Variants in RIOK1 observed in about 807,000 individuals in gnomAD.
RIOK1 encodes serine/threonine-protein kinase RIO1.
Under a neutral mutation model 73.5 loss-of-function variants are expected in RIOK1, and 66 were observed. The observed-to-expected ratio is 0.90, with a 90% confidence interval of 0.74 to 1.10. The LOEUF (loss-of-function observed/expected upper bound fraction) is 1.10. Among genes scored for constraint, RIOK1 ranks in the 50% least tolerant of loss-of-function variants. The pLI is 0.00. For missense variants in RIOK1, 658 were observed against 699.8 expected (o/e 0.94, Z 0.67); for synonymous variants, 224 against 226.8 (o/e 0.99, Z 0.11).
At chr6:7,411,708 G>A in intron 14 of RIOK1, 1 of 397,496 alleles carries the variant, frequency 2.5e-6, no homozygotes, top group South Asian at 2.8e-5. Context: ...TAGAAGTCTA[G>A]GCTATTAATG....
Position 7,398,730 on chromosome 6 carries a change from C to T in RIOK1, c.470C>T (p.Thr157Ile). The change falls in exon 5 of 17, where the codon ACT becomes ATT. Residue 157 changes from threonine (T) to isoleucine (I), a missense_variant. Coordinates refer to ENST00000379834, the MANE Select transcript of RIOK1 (RefSeq NM_031480.3). ...ATCAAAGATAAGGCAGACAGAGCAA[C>T]TGTAGAACAGGTACAATTTAAATGT... The part of the protein sequence containing the change: ...YRIKDKADRA[T>I]VEQVLDPRTR... 4 of 1,612,032 alleles carry T rather than the reference C, an allele frequency of 2.5e-6. No homozygotes were observed. Among genetic ancestry groups the T allele is most frequent in the Non-Finnish European group, 3.4e-6 (4 of 1,178,512 alleles).
Position 7,414,421 on chromosome 6 carries a change from T to C in RIOK1, c.1596+31T>C, listed in dbSNP as rs76055622. 8.0e-4 allele frequency: 1,267 copies of C among 1,579,294 alleles called. 9 individuals carry two copies. In the African/African-American group the frequency reaches 0.015, roughly 18 times the overall value. ...CAATGAAATACCTTCCCCTTTTCTT[T>C]AGTGTGGGAGCACAGCCGCTCTTAT... On this transcript the variant is annotated intron_variant, in intron 16 of 16. Transcript: ENST00000379834.
chr6:7,392,911 C>G (rs1761375461), intron 1 of RIOK1, 188 bp from the exon 2 acceptor site: 1 of 984,872 alleles, frequency 1.0e-6, no homozygotes, highest in South Asian at 4.7e-5. Context: ...GAGCAAACAA[C>G]TGCAACAGAA....
intron 10 of RIOK1, 75 bp from the exon 11 acceptor site, chr6:7,404,843 A>G (rs1414503217): frequency 2.4e-6 from 3 of 1,257,604 alleles, no homozygotes; most frequent in Non-Finnish European, 3.4e-6. Context: ...CTTGCTTTTA[A>G]GAGTAGAATT....
chr6:7,407,580 A>G (rs1213777410), intron 12 of RIOK1, among the ~76,000 whole-genome samples: 2 of 151,138 alleles, frequency 1.3e-5, no homozygotes, highest in African/African-American at 4.9e-5. Context: ...AACCTTCTAG[A>G]CTCAAGCAGT....
chr6:7,405,204 AT>A lies in RIOK1; in HGVS notation c.1097-40del, dbSNP rs1761714786. 3 of 1,276,400 alleles carry A rather than the reference AT, an allele frequency of 2.4e-6. No homozygotes were observed. In the East Asian group the frequency reaches 6.9e-5, roughly 29 times the overall value. 79.1% of individuals were successfully genotyped at this position (1,276,400 alleles called of 1,614,324 possible). On this transcript the variant is annotated intron_variant, in intron 11 of 16. Coordinates refer to ENST00000379834, the MANE Select transcript of RIOK1 (RefSeq NM_031480.3). ...TCTATAAGGTAGTTGGAATAATAATATTTTTCCTCATAAAAGCTGTCATTAA... is the reference window on the plus strand; with the variant it reads ...TCTATAAGGTAGTTGGAATAATAATATTTTCCTCATAAAAGCTGTCATTAA...
intron 6 of RIOK1, 66 bp from the exon 7 acceptor site, chr6:7,402,537 C>G: frequency 8.3e-7 from 1 of 1,198,490 alleles, no homozygotes; most frequent in Non-Finnish European, 1.2e-6. Flanking sequence ...AGGTTAGAAT[C>G]AAATAGATTG....
chr6:7,398,055 T>G (rs1761518173), intron 4 of RIOK1, among the ~76,000 whole-genome samples: 2 of 152,146 alleles, frequency 1.3e-5, no homozygotes, highest in Non-Finnish European at 2.9e-5. Flanking sequence ...GGCAGGAGAA[T>G]GGCGTGAACC....
chr6:7,401,738 G>A (rs1386717643), intron 6 of RIOK1, among the ~76,000 whole-genome samples: 2 of 145,230 alleles, frequency 1.4e-5, no homozygotes, highest in Admixed American at 7.0e-5. Flanking sequence ...GAGTGTGGTG[G>A]CATGTTCTCA....
rs1193560994 is a variant in RIOK1 at position 7,400,875 on chromosome 6, C to T, written c.481-83C>T. 3.9e-6 allele frequency: 3 copies of T among 768,092 alleles called. No individual in the cohort carries two copies. The East Asian group carries it at 7.6e-5, about 19-fold the overall frequency. 47.6% of individuals were successfully genotyped at this position (768,092 alleles called of 1,614,324 possible). ...GATAGCGTCGTACAGTTAAGCTCTG[C>T]TGTTTATTGATTGTCACAGGTTTTA... On this transcript the variant is annotated intron_variant, in intron 5 of 16. Coordinates refer to ENST00000379834, the MANE Select transcript of RIOK1 (RefSeq NM_031480.3).
In RIOK1 at chr6:7,401,019, A is replaced by C; in HGVS notation, c.542A>C (p.Glu181Ala). Residue 181 changes from glutamate to alanine, a missense_variant, in exon 6 of 17, where the codon GAG becomes GCG. Transcript: ENST00000379834. ...FKMLTRGIITEINGCISTGKE... is the reference protein window; with the variant it reads ...FKMLTRGIITAINGCISTGKE... Reference sequence around the variant, plus strand: ...ATGTTGACTAGAGGAATCATAACAGAGATAAATGGCTGCATTAGCACAGGA... The same window carrying C: ...ATGTTGACTAGAGGAATCATAACAGCGATAAATGGCTGCATTAGCACAGGA... 1 of 1,610,014 alleles carries C rather than the reference A, an allele frequency of 6.2e-7. No homozygotes were observed. Among genetic ancestry groups the C allele is most frequent in the Non-Finnish European group, 8.5e-7 (1 of 1,176,946 alleles).
At chr6:7,400,346 G>GTC (rs1761579801) in intron 5 of RIOK1, among the ~76,000 whole-genome samples, 1 of 152,106 alleles carries the variant, frequency 6.6e-6, no homozygotes, top group Non-Finnish European at 1.5e-5. Flanking sequence ...ACAAGCTGTG[G>GTC]TCTGATTTGG....
chr6:7,393,368 G>T, intron 2 of RIOK1, 65 bp downstream of exon 2: 1 of 1,337,300 alleles, frequency 7.5e-7, no homozygotes, highest in South Asian at 1.2e-5. Flanking sequence ...TTAAAAGGCT[G>T]TTTTGTGATT....
At chr6:7,415,659 G>T (rs959843277) in intron 16 of RIOK1, among the ~76,000 whole-genome samples, 7 of 152,220 alleles carry the variant, frequency 4.6e-5, no homozygotes, top group Admixed American at 4.6e-4. Flanking sequence ...GAGCCTATAC[G>T]AAGGTTTCAA....
In RIOK1 at chr6:7,416,202, T is replaced by G. The variant is rs1271261337; in HGVS notation, c.1597-1129T>G. ...ACTTCTGAGGGACATACTCAGCTGC[T>G]AGCATATTTTCTCATATGTCTACTA... On this transcript the variant is annotated intron_variant, in intron 16 of 16. Transcript: ENST00000379834. Among the ~76,000 whole-genome samples, 11 of 152,260 alleles carry G rather than the reference T, an allele frequency of 7.2e-5. No homozygotes were observed. The South Asian group carries it at 1.9e-3, about 26-fold the overall frequency.
In RIOK1 at chr6:7,405,490, C is replaced by G. The variant is rs1761723113; in HGVS notation, c.1203+135C>G. The stretch of plus-strand genomic sequence containing the variant: ...TTGAAATATCTGCCTTGTACTTACC[C>G]TAGTTGAGCATCCGAAATATCAAAA... On this transcript the variant is annotated intron_variant, in intron 12 of 16. Transcript: ENST00000379834. 6 of 539,940 alleles carry G rather than the reference C, an allele frequency of 1.1e-5. No homozygotes were observed. The South Asian group carries it at 1.7e-4, about 15-fold the overall frequency. 33.4% of individuals were successfully genotyped at this position (539,940 alleles called of 1,614,324 possible).
chr6:7,390,193 C>G (rs1761293914), intron 1 of RIOK1, 120 bp downstream of exon 1: 1 of 801,980 alleles, frequency 1.2e-6, no homozygotes, highest in Non-Finnish European at 2.0e-6. Flanking sequence ...CAGCGTCTCT[C>G]TTGACAACCC....
At position 7,402,586 on chromosome 6, in the gene RIOK1, T is replaced by A; in HGVS notation, c.574-17T>A. 8 of 1,550,024 alleles carry A rather than the reference T, an allele frequency of 5.2e-6. No individual in the cohort carries two copies. The highest frequency in any genetic ancestry group is 6.9e-6 in the Non-Finnish European group (8 of 1,151,436). On this transcript the variant is annotated splice_polypyrimidine_tract_variant and intron_variant, in intron 6 of 16. Transcript: ENST00000379834. Reference sequence around the variant, plus strand: ...TTAACATAAACTTCATTTTCTTTTTTTTTTGACTTAATATAGGCTAATGTA... The same window carrying A: ...TTAACATAAACTTCATTTTCTTTTTATTTTGACTTAATATAGGCTAATGTA...
Position 7,404,458 on chromosome 6 carries a change from A to G in RIOK1, c.895A>G (p.Lys299Glu), listed in dbSNP as rs754690762. The change falls in exon 10 of 17, where the codon AAG becomes GAG. Residue 299 changes from lysine to glutamate, a missense_variant. Physicochemically the swap from Lys to Glu is moderately conservative, Grantham distance 56. Transcript: ENST00000379834. ...GAAAAATGTCCAGTTATCAGAATCC[A>G]AGGCTCGGGAGTTGTACCTGCAGGT... is the stretch of plus-strand genomic sequence containing the variant. ...LLKNVQLSES[K>E]ARELYLQVIQ... is the part of the protein sequence containing the mutation. 3.1e-6 allele frequency: 5 copies of G among 1,614,162 alleles called. No homozygotes were observed. The South Asian group carries it at 5.5e-5, about 18-fold the overall frequency.
Sources: gnomAD v4.1 joint callset for allele counts (sites outside exome capture counted in the v4.1 genomes callset) on GRCh38, gnomAD v4.1.1 for gene constraint, MANE v1.5 for transcripts, NCBI Gene and HGNC (gene_info 2026-07-23, HGNC 2026-07-21) for gene names.